VAPB: variants seen among roughly 807,000 people sequenced by gnomAD.
VAPB encodes vesicle-associated membrane protein-associated protein B/C.
In VAPB, 7 loss-of-function variants were observed where a neutral mutation model predicts 25.6. The observed-to-expected ratio is 0.27, with a 90% CI of 0.16 to 0.51. The LOEUF (loss-of-function observed/expected upper bound fraction) is 0.51. VAPB is among the 20% of genes least tolerant of loss of function. The pLI, the probability that VAPB is intolerant of heterozygous loss-of-function variation, is 0.97. For missense variants in VAPB, 266 were observed against 301.3 expected (o/e 0.88, Z 0.87); for synonymous variants, 112 against 109.2 (o/e 1.03, Z -0.16).
At chr20:58,428,607 C>T in intron 2 of VAPB, among the ~76,000 whole-genome samples, 1 of 151,910 alleles carries the variant, frequency 6.6e-6, no homozygotes, top group Non-Finnish European at 1.5e-5. Context: ...GACAACATAG[C>T]AAGACCCCAT....
intron 3 of VAPB, among the ~76,000 whole-genome samples, chr20:58,436,672 A>G (rs1230833829): frequency 6.6e-6 from 1 of 152,152 alleles, no homozygotes; most frequent in Non-Finnish European, 1.5e-5. Context: ...TGTGATATAC[A>G]GAAAGTTGAA....
At chr20:58,423,707 T>A (rs558413553) in intron 2 of VAPB, among the ~76,000 whole-genome samples, 1 of 152,256 alleles carries the variant, frequency 6.6e-6, no homozygotes, top group Admixed American at 6.5e-5. Context: ...GGAGCTGCAT[T>A]TGGGGAGTTT....
Position 58,449,240 on chromosome 20 carries a change from T to A in VAPB, c.*5005T>A, listed in dbSNP as rs146687585. On this transcript the variant is annotated 3_prime_UTR_variant, in exon 6 of 6. Transcript: ENST00000475243. Reference sequence around the variant, plus strand: ...AGCTGCACAAGCTCACCCACCCCTGTGCCAGGGGGCCCTGACCTCCCTCCA... The same window carrying A: ...AGCTGCACAAGCTCACCCACCCCTGAGCCAGGGGGCCCTGACCTCCCTCCA... 6.2e-4 allele frequency: 280 copies of A among 454,148 alleles called. No homozygotes were observed. The highest frequency in any genetic ancestry group is 4.8e-3 in the African/African-American group (243 of 50,146). The allele number at this position is 454,148 out of a possible 1,614,324, so 28.1% of individuals were successfully genotyped here.
chr20:58,424,701 G>C (rs1432082471), intron 2 of VAPB, among the ~76,000 whole-genome samples: 1 of 152,220 alleles, frequency 6.6e-6, no homozygotes, highest in East Asian at 1.9e-4. Context: ...GCCAGTGCCT[G>C]TATATAGCAG....
chr20:58,414,146 C>T (rs2123050477), intron 1 of VAPB, among the ~76,000 whole-genome samples: 1 of 130,696 alleles, frequency 7.7e-6, no homozygotes, highest in East Asian at 2.4e-4. Context: ...CGACCTCCCT[C>T]CCGGACGGGG....
At chr20:58,395,623 CAA>C (rs1987939108) in intron 1 of VAPB, among the ~76,000 whole-genome samples, 1 of 152,158 alleles carries the variant, frequency 6.6e-6, no homozygotes, top group African/African-American at 2.4e-5. Flanking sequence ...TAAAATAAAA[CAA>C]AAGCCTTTTG....
Position 58,446,863 on chromosome 20 carries a change from T to TG in VAPB, c.*2630dup, listed in dbSNP as rs1197922403. 2.2e-6 allele frequency: 1 copy of TG among 453,954 alleles called. No homozygotes were observed. The highest frequency in any genetic ancestry group is 4.4e-6 in the Non-Finnish European group (1 of 226,732). 28.1% of individuals were successfully genotyped at this position (453,954 alleles called of 1,614,324 possible). Reference sequence around the variant, plus strand: ...GAGCACGCGTGGCTCCTGGAGGACTTGGAGATGCATGCACATTTAGGGTGT... The same window carrying TG: ...GAGCACGCGTGGCTCCTGGAGGACTTGGGAGATGCATGCACATTTAGGGTGT... On this transcript the variant is annotated 3_prime_UTR_variant, in exon 6 of 6. Coordinates refer to ENST00000475243, the MANE Select transcript of VAPB (RefSeq NM_004738.5).
At chr20:58,390,750 A>G (rs976476683) in intron 1 of VAPB, among the ~76,000 whole-genome samples, 2 of 152,148 alleles carry the variant, frequency 1.3e-5, no homozygotes, top group African/African-American at 4.8e-5. Flanking sequence ...TATATGTCCT[A>G]TTGGGAAGTA....
At chr20:58,422,605 ATTT>A (rs768230345) in intron 2 of VAPB, among the ~76,000 whole-genome samples, 2 of 138,602 alleles carry the variant, frequency 1.4e-5, no homozygotes, top group Admixed American at 7.2e-5. Context: ...GTGGTTGTGG[ATTT>A]TTTTTTTTTT....
At chr20:58,428,991 C>A (rs1988868937) in intron 2 of VAPB, among the ~76,000 whole-genome samples, 1 of 152,192 alleles carries the variant, frequency 6.6e-6, no homozygotes, top group Non-Finnish European at 1.5e-5. Context: ...TGATGAAAAA[C>A]ACCCCCATTT....
intron 3 of VAPB, among the ~76,000 whole-genome samples, chr20:58,435,191 C>T (rs1319931854): frequency 1.3e-5 from 2 of 152,022 alleles, no homozygotes; most frequent in African/African-American, 2.4e-5. Context: ...ATTTTCCCCC[C>T]TGCTTAAATC....
rs1220275954 is a variant in VAPB at position 58,445,975 on chromosome 20, TC to T, written c.*1742del. On this transcript the variant is annotated 3_prime_UTR_variant, in exon 6 of 6. Coordinates refer to ENST00000475243, the MANE Select transcript of VAPB (RefSeq NM_004738.5). ...AGTCACATACGTTGAGCCACGTTGC[TC>T]CTAAGCCTGGCTCTGTCAAGCTGGG... is the stretch of plus-strand genomic sequence containing the variant. 1 of 454,048 alleles carries T rather than the reference TC, an allele frequency of 2.2e-6. No individual in the cohort carries two copies. Among genetic ancestry groups the T allele is most frequent in the East Asian group, 6.9e-5 (1 of 14,398 alleles). The allele number at this position is 454,048 out of a possible 1,614,324, so 28.1% of individuals were successfully genotyped here.
intron 5 of VAPB, among the ~76,000 whole-genome samples, chr20:58,441,982 A>G (rs1268267480): frequency 2.0e-5 from 3 of 152,164 alleles, no homozygotes; most frequent in East Asian, 1.9e-4. Flanking sequence ...GGCATTGGCA[A>G]TGGAAGGTTG....
In VAPB at chr20:58,423,305, T is replaced by C. The variant is rs1033139349; in HGVS notation, c.211+4942T>C. ...ACATGCCTGTAATCCCAGCTACTCA[T>C]GAAGGCTGAGGCAGGAGAATCACTT... On this transcript the variant is annotated intron_variant, in intron 2 of 5. Transcript: ENST00000475243. Among the ~76,000 whole-genome samples, 3 of 148,926 alleles carry C rather than the reference T, an allele frequency of 2.0e-5. No homozygotes were observed. The East Asian group carries it at 6.0e-4, about 30-fold the overall frequency.
rs6015265 is a variant in VAPB at position 58,394,617 on chromosome 20, G to A, written c.58+5100G>A. On this transcript the variant is annotated intron_variant, in intron 1 of 5. Coordinates refer to ENST00000475243, the MANE Select transcript of VAPB (RefSeq NM_004738.5). ...TAAACTTACTAAACTTGAGTCAAAC[G>A]TAAATCTTCATAGATAGTACCATTT... is the stretch of plus-strand genomic sequence containing the variant. Among the ~76,000 whole-genome samples the A allele has an allele frequency of 4.6e-5, 7 of 152,220 alleles. No homozygotes were observed. In the East Asian group the frequency reaches 7.7e-4, roughly 17 times the overall value.
chr20:58,412,635 T>G (rs892887638), intron 1 of VAPB, among the ~76,000 whole-genome samples: 11 of 151,726 alleles, frequency 7.2e-5, no homozygotes, highest in Non-Finnish European at 1.5e-4. Context: ...ATCTTGCCAT[T>G]TAGTAGATAG....
chr20:58,393,220 A>G (rs1335962439), intron 1 of VAPB, among the ~76,000 whole-genome samples: 1 of 152,134 alleles, frequency 6.6e-6, no homozygotes, highest in Admixed American at 6.5e-5. Context: ...TTGTAAAGAT[A>G]GAGTCTTGCC....
At chr20:58,398,050 TA>T (rs1279651503) in intron 1 of VAPB, among the ~76,000 whole-genome samples, 2 of 152,174 alleles carry the variant, frequency 1.3e-5, no homozygotes, top group Non-Finnish European at 2.9e-5. Flanking sequence ...CAGTTGAAAA[TA>T]TTATAAGTTG....
chr20:58,423,187 G>A (rs529925762), intron 2 of VAPB, among the ~76,000 whole-genome samples: 1 of 151,692 alleles, frequency 6.6e-6, no homozygotes, highest in African/African-American at 2.4e-5. Flanking sequence ...CGAGGCAGGC[G>A]GATCACCTGA....
Sources: gnomAD v4.1 joint callset for allele counts (sites outside exome capture counted in the v4.1 genomes callset) on GRCh38, gnomAD v4.1.1 for gene constraint, MANE v1.5 for transcripts, NCBI Gene and HGNC (gene_info 2026-07-23, HGNC 2026-07-21) for gene names.